The following CLEC2A variants were observed in gnomAD, a reference collection of about 807,000 sequenced individuals.
The protein encoded by CLEC2A is keratinocyte-associated C-type lectin.
A neutral mutation model predicts 18.6 loss-of-function variants in CLEC2A; 19 were observed. The ratio of observed to expected loss-of-function variants is 1.02; its 90% CI spans 0.71 to 1.50. CLEC2A has a LOEUF of 1.50. Ranked by LOEUF, CLEC2A falls within the 40% of genes most tolerant of loss-of-function variation. The pLI, the probability that CLEC2A is intolerant of heterozygous loss-of-function variation, is 0.00. For missense variants in CLEC2A, 190 were observed against 207.9 expected (o/e 0.91, Z 0.53); for synonymous variants, 74 against 64.0 (o/e 1.16, Z -0.75).
At chr12:9,878,094 G>A in the CLEC2A span, among the ~76,000 whole-genome samples, 1 of 149,908 alleles carries the variant, frequency 6.7e-6, no homozygotes, top group Non-Finnish European at 1.5e-5. Context: ...CATCCAGCCT[G>A]GGTAACAGAA....
intron 2 of CLEC2A, among the ~76,000 whole-genome samples, chr12:9,923,908 T>G (rs539611317): frequency 3.0e-4 from 45 of 151,202 alleles, no homozygotes; most frequent in Non-Finnish European, 5.9e-4. Flanking sequence ...GACGGGAATA[T>G]CACACATTGG....
chr12:9,894,126 T>TCTCTCTCTCTCTC (rs1862724726), downstream of CLEC2A, among the ~76,000 whole-genome samples: 1 of 130,200 alleles, frequency 7.7e-6, no homozygotes, highest in African/African-American at 3.0e-5. Context: ...TTTCTTTTCT[T>TCTCTCTCTCTCTC]TCTCTCTCTC....
downstream of CLEC2A, among the ~76,000 whole-genome samples, chr12:9,909,192 C>G (rs1273242211): frequency 1.3e-5 from 2 of 152,264 alleles, no homozygotes; most frequent in Non-Finnish European, 2.9e-5. Context: ...TCATCCTTCC[C>G]CTGTTGTGTG....
At chr12:9,915,611 C>G (rs555150806) in intron 4 of CLEC2A, among the ~76,000 whole-genome samples, 1 of 152,206 alleles carries the variant, frequency 6.6e-6, no homozygotes, top group East Asian at 1.9e-4. Context: ...GAACAGAAAA[C>G]CAAACACTGC....
chr12:9,889,732 G>A, the CLEC2A span, among the ~76,000 whole-genome samples: 2 of 151,686 alleles, frequency 1.3e-5, no homozygotes, highest in Non-Finnish European at 2.9e-5. Context: ...TTGTGGCTAT[G>A]GAGAACTCCA....
chr12:9,883,435 C>T, the CLEC2A span, among the ~76,000 whole-genome samples: 4 of 152,194 alleles, frequency 2.6e-5, no homozygotes, highest in Non-Finnish European at 5.9e-5. Flanking sequence ...CTCTGTTCAC[C>T]TGGCTTGATA....
intron 4 of CLEC2A, among the ~76,000 whole-genome samples, chr12:9,903,835 C>T (rs1324461936): frequency 6.6e-6 from 1 of 152,170 alleles, no homozygotes; most frequent in African/African-American, 2.4e-5. Context: ...TCTGGGACTC[C>T]TCTCGGGACT....
At chr12:9,903,950 G>T (rs754427889) in intron 4 of CLEC2A, among the ~76,000 whole-genome samples, 5 of 152,178 alleles carry the variant, frequency 3.3e-5, no homozygotes, top group Non-Finnish European at 5.9e-5. Context: ...ATGCCAGGGT[G>T]AAAGGGATGG....
intron 4 of CLEC2A, among the ~76,000 whole-genome samples, chr12:9,915,389 A>G (rs1863055152): frequency 6.6e-6 from 1 of 152,202 alleles, no homozygotes; most frequent in South Asian, 2.1e-4. Context: ...TCTATTATAA[A>G]GACATATGCA....
intron 4 of CLEC2A, among the ~76,000 whole-genome samples, chr12:9,906,115 C>T (rs1171991671): frequency 6.6e-6 from 1 of 151,432 alleles, no homozygotes; most frequent in Non-Finnish European, 1.5e-5. Flanking sequence ...CTGTGTCACA[C>T]ATAGTTTGGG....
At chr12:9,882,572 A>G in the CLEC2A span, among the ~76,000 whole-genome samples, 1 of 151,988 alleles carries the variant, frequency 6.6e-6, no homozygotes, top group African/African-American at 2.4e-5. Flanking sequence ...GAGGTCAGGA[A>G]TTCGAGACCA....
intron 2 of CLEC2A, among the ~76,000 whole-genome samples, chr12:9,923,387 C>T (rs1189120311): frequency 5.3e-5 from 8 of 152,146 alleles, no homozygotes; most frequent in Admixed American, 1.3e-4. Flanking sequence ...GATATCATCT[C>T]GCACCAGTTA....
intron 4 of CLEC2A, among the ~76,000 whole-genome samples, chr12:9,899,413 T>C (rs73253478): frequency 0.015 from 2,210 of 152,154 alleles, 60 homozygotes; most frequent in African/African-American, 0.05. Context: ...AAGAAGGCAT[T>C]TTTAAAGGAG....
the CLEC2A span, among the ~76,000 whole-genome samples, chr12:9,882,765 A>T: frequency 6.7e-6 from 1 of 148,678 alleles, no homozygotes. Context: ...TGAGTGACAG[A>T]GCAAGACTCC....
At chr12:9,927,376 T>C (rs758171064) in intron 1 of CLEC2A, among the ~76,000 whole-genome samples, 2 of 152,180 alleles carry the variant, frequency 1.3e-5, no homozygotes, top group African/African-American at 2.4e-5. Flanking sequence ...TATGGGACCA[T>C]TGTTGTTATG....
At chr12:9,905,355 T>C (rs1216093272) in intron 4 of CLEC2A, among the ~76,000 whole-genome samples, 1 of 152,172 alleles carries the variant, frequency 6.6e-6, no homozygotes, top group Non-Finnish European at 1.5e-5. Flanking sequence ...CCTAGGCTGG[T>C]GCTGATGTGC....
chr12:9,926,992 A>G (rs1207533577), intron 1 of CLEC2A, among the ~76,000 whole-genome samples: 1 of 152,200 alleles, frequency 6.6e-6, no homozygotes, highest in Non-Finnish European at 1.5e-5. Context: ...ATATATCATT[A>G]GTAGATGTAG....
At chr12:9,902,122 T>C (rs1161968930) in intron 4 of CLEC2A, among the ~76,000 whole-genome samples, 1 of 152,212 alleles carries the variant, frequency 6.6e-6, no homozygotes, top group Non-Finnish European at 1.5e-5. Context: ...TTACATACCT[T>C]GCTTGTAAAT....
intron 2 of CLEC2A, among the ~76,000 whole-genome samples, chr12:9,923,462 A>G (rs1190574564): frequency 6.6e-6 from 1 of 151,928 alleles, no homozygotes; most frequent in Non-Finnish European, 1.5e-5. Flanking sequence ...AAATAGGAAT[A>G]CTTTTACACT....
Sources: allele counts gnomAD v4.1 joint callset (sites outside exome capture counted in the v4.1 genomes callset), GRCh38; gene constraint gnomAD v4.1.1; transcripts MANE v1.5; gene names NCBI Gene and HGNC (gene_info 2026-07-23, HGNC 2026-07-21).